KLF12: variants seen among roughly 807,000 people sequenced by gnomAD.
The protein encoded by KLF12 is Krueppel-like factor 12.
In KLF12, 9 loss-of-function variants were observed where a neutral mutation model predicts 37.8. That is an observed-to-expected ratio of 0.24 (90% CI 0.14 to 0.42). The LOEUF (loss-of-function observed/expected upper bound fraction) is 0.42, where lower values mean the gene tolerates loss of function less well. KLF12 is among the 10% of genes least tolerant of loss of function. The pLI is 1.00. For missense variants in KLF12, 411 were observed against 516.0 expected, an observed-to-expected ratio of 0.80 and a Z score of 1.97; for synonymous variants, 208 against 202.1, an observed-to-expected ratio of 1.03 and a Z score of -0.25.
chr13:73,767,484 A>G (rs1879992857), intron 5 of KLF12, among the ~76,000 whole-genome samples: 2 of 152,198 alleles, frequency 1.3e-5, no homozygotes, highest in South Asian at 4.1e-4. Flanking sequence ...GGAAAGAAAA[A>G]ACACCACGCT....
At chr13:74,288,079 G>GA in the KLF12 span, among the ~76,000 whole-genome samples, 76,767 of 150,420 alleles carry the variant, frequency 0.51, 20,841 homozygotes, top group Admixed American at 0.63. Flanking sequence ...AGGGGGGAAG[G>GA]AAAAAAAAAC....
rs376085373 is a variant in KLF12 at position 73,813,089 on chromosome 13, A to C, written c.806+63T>G. Reference sequence around the variant, plus strand: ...ATGGCTGGGGGACAGGAGATGCTGCAGTTTCCATTATCCATTGAACACCTT... The same window carrying C: ...ATGGCTGGGGGACAGGAGATGCTGCCGTTTCCATTATCCATTGAACACCTT... On this transcript the variant is annotated intron_variant, in intron 5 of 7. Coordinates refer to ENST00000377669, the MANE Select transcript of KLF12 (RefSeq NM_007249.5). 3.7e-5 allele frequency: 57 copies of C among 1,554,544 alleles called. 1 individual carries two copies. The South Asian group carries it at 6.2e-4, about 17-fold the overall frequency.
chr13:73,805,161 T>C (rs1235784456), intron 5 of KLF12, among the ~76,000 whole-genome samples: 1 of 152,174 alleles, frequency 6.6e-6, no homozygotes, highest in Non-Finnish European at 1.5e-5. Flanking sequence ...ATAGTAAAGT[T>C]TATCCAAAAA....
intron 3 of KLF12, among the ~76,000 whole-genome samples, chr13:73,917,035 T>C (rs1447325396): frequency 6.6e-6 from 1 of 152,206 alleles, no homozygotes; most frequent in Non-Finnish European, 1.5e-5. Flanking sequence ...GGTCACAGAA[T>C]GGCCATCTCT....
intron 1 of KLF12, among the ~76,000 whole-genome samples, chr13:74,130,620 T>G (rs997178690): frequency 1.4e-5 from 2 of 148,024 alleles, no homozygotes; most frequent in Non-Finnish European, 3.0e-5. Flanking sequence ...CAGTCCCGCC[T>G]GGGTGACAGA....
chr13:73,779,842 A>G (rs1382438425), intron 5 of KLF12, among the ~76,000 whole-genome samples: 1 of 152,256 alleles, frequency 6.6e-6, no homozygotes, highest in Non-Finnish European at 1.5e-5. Context: ...GAATTGGAGA[A>G]TACATTTCAT....
intron 4 of KLF12, among the ~76,000 whole-genome samples, chr13:73,843,191 A>AT (rs1884834441): frequency 6.6e-6 from 1 of 152,186 alleles, no homozygotes; most frequent in South Asian, 2.1e-4. Context: ...ACTTGTTTTT[A>AT]TAAAAAAGAG....
At chr13:74,269,044 A>G in the KLF12 span, among the ~76,000 whole-genome samples, 1 of 152,220 alleles carries the variant, frequency 6.6e-6, no homozygotes, top group Admixed American at 6.5e-5. Context: ...ATTGCCAAGT[A>G]TAGCAATAAA....
At chr13:73,732,450 C>T (rs1880008749) in intron 6 of KLF12, among the ~76,000 whole-genome samples, 2 of 152,072 alleles carry the variant, frequency 1.3e-5, no homozygotes, top group Non-Finnish European at 2.9e-5. Context: ...AAGTAACTCA[C>T]CCAAGAACAC....
upstream of KLF12, among the ~76,000 whole-genome samples, chr13:74,135,615 G>C (rs546235867): frequency 6.6e-6 from 1 of 151,328 alleles, no homozygotes; most frequent in African/African-American, 2.4e-5. Context: ...GGCGCGCGGC[G>C]GACGGAGGCG....
At chr13:73,770,150 A>G (rs571577363) in intron 5 of KLF12, among the ~76,000 whole-genome samples, 36 of 152,314 alleles carry the variant, frequency 2.4e-4, no homozygotes, top group African/African-American at 6.7e-4. Flanking sequence ...CAATTACTAA[A>G]TATCAGAATT....
chr13:73,964,168 T>C (rs1891108322), intron 2 of KLF12, among the ~76,000 whole-genome samples: 1 of 152,212 alleles, frequency 6.6e-6, no homozygotes, highest in Admixed American at 6.6e-5. Context: ...AAAAGTAATA[T>C]GTGTGACAGT....
intron 4 of KLF12, among the ~76,000 whole-genome samples, chr13:73,818,147 T>G (rs866506230): frequency 6.6e-6 from 1 of 151,568 alleles, no homozygotes; most frequent in Non-Finnish European, 1.5e-5. Flanking sequence ...ACTTATTTAT[T>G]TTTATTTATT....
chr13:73,979,140 G>A (rs1891620558), intron 2 of KLF12, among the ~76,000 whole-genome samples: 1 of 152,048 alleles, frequency 6.6e-6, no homozygotes, highest in African/African-American at 2.4e-5. Flanking sequence ...ACACTCAGAG[G>A]AAACACTAAT....
upstream of KLF12, among the ~76,000 whole-genome samples, chr13:74,134,419 C>T (rs943277534): frequency 1.3e-5 from 2 of 151,908 alleles, no homozygotes; most frequent in Non-Finnish European, 2.9e-5. Flanking sequence ...GTTGAAATCC[C>T]CTGTGGGAAA....
intron 5 of KLF12, among the ~76,000 whole-genome samples, chr13:73,803,727 T>G (rs1465505715): frequency 6.6e-6 from 1 of 151,158 alleles, no homozygotes; most frequent in Non-Finnish European, 1.5e-5. Flanking sequence ...CAAAGAAGGC[T>G]AGGACATGTT....
chr13:73,996,354 A>C (rs564139675), intron 1 of KLF12, among the ~76,000 whole-genome samples: 1 of 152,372 alleles, frequency 6.6e-6, no homozygotes, highest in African/African-American at 2.4e-5. Context: ...ATACTTAAAA[A>C]GTCACCTAAC....
At chr13:74,023,240 C>A (rs949461532) in intron 1 of KLF12, among the ~76,000 whole-genome samples, 2 of 152,166 alleles carry the variant, frequency 1.3e-5, no homozygotes, top group African/African-American at 4.8e-5. Context: ...TGTTCTTCAC[C>A]TACAGATGTT....
rs200685752 is a variant in KLF12, at chr13:73,718,214, T to TA, written c.870-2690dup. On this transcript the variant is annotated intron_variant, in intron 6 of 7. Transcript: ENST00000377669. ...TGCTATCTGTATATAAGGAGAAACG[T>TA]AAAAAAAAGAAAAGCCAACCAAAAA... 3.8e-3 allele frequency among the ~76,000 whole-genome samples: 583 copies of TA among 151,782 alleles called. 5 individuals are homozygous for TA. The highest frequency in any genetic ancestry group is 0.013 in the African/African-American group (542 of 41,382).
Sources: gnomAD v4.1 joint callset for allele counts (sites outside exome capture counted in the v4.1 genomes callset) on GRCh38, gnomAD v4.1.1 for gene constraint, MANE v1.5 for transcripts, NCBI Gene and HGNC (gene_info 2026-07-23, HGNC 2026-07-21) for gene names.